ALDH7A1: variants seen among roughly 807,000 people sequenced by gnomAD.
ALDH7A1 encodes aldehyde dehydrogenase 7 family member A1.
A neutral mutation model predicts 79.9 loss-of-function variants in ALDH7A1; 63 were observed. That is an observed-to-expected ratio of 0.79 (90% confidence interval 0.64 to 0.97). ALDH7A1 has a LOEUF of 0.97. Among genes scored for constraint, ALDH7A1 ranks in the 50% least tolerant of loss-of-function variants. ALDH7A1 has a pLI of 0.00. For missense variants in ALDH7A1, 627 were observed against 665.2 expected (o/e 0.94, Z 0.63); for synonymous variants, 240 against 231.2 (o/e 1.04, Z -0.34).
chr5:126,568,237 T>A (rs761300704), intron 9 of ALDH7A1, 22 bp downstream of exon 9: 8 of 1,611,200 alleles, frequency 5.0e-6, no homozygotes, highest in Non-Finnish European at 6.8e-6. Flanking sequence ...ATTAAAATCC[T>A]CATTAGAAAG....
At chr5:126,567,473 C>T (rs1043951833) in intron 9 of ALDH7A1, among the ~76,000 whole-genome samples, 1 of 152,034 alleles carries the variant, frequency 6.6e-6, no homozygotes, top group Non-Finnish European at 1.5e-5. Flanking sequence ...GACTTCCTTT[C>T]ATAACTTTTT....
intron 13 of ALDH7A1, among the ~76,000 whole-genome samples, 169 bp downstream of exon 13, chr5:126,554,114 GACAA>G (rs1259465077): frequency 2.0e-5 from 3 of 152,054 alleles, no homozygotes; most frequent in South Asian, 2.1e-4. Context: ...CTCAAAAACA[GACAA>G]ACAAACAAAA....
intron 11 of ALDH7A1, among the ~76,000 whole-genome samples, chr5:126,557,242 A>G (rs1382713264): frequency 6.6e-6 from 1 of 152,204 alleles, no homozygotes; most frequent in Admixed American, 6.5e-5. Flanking sequence ...CAGCTGTGTA[A>G]AAATAAAGAT....
chr5:126,556,170 T>C (rs1315994526), intron 11 of ALDH7A1, among the ~76,000 whole-genome samples, 155 bp from the exon 12 acceptor site: 4 of 151,810 alleles, frequency 2.6e-5, no homozygotes, highest in Non-Finnish European at 4.4e-5. Flanking sequence ...ATTTATCATT[T>C]TAATATTAAC....
chr5:126,570,715 T>C, intron 8 of ALDH7A1, 67 bp downstream of exon 8: 1 of 1,423,366 alleles, frequency 7.0e-7, no homozygotes, highest in Non-Finnish European at 9.9e-7. Flanking sequence ...ATTATTCTAG[T>C]AACGATGATT....
chr5:126,595,015 G>A lies in ALDH7A1; in HGVS notation c.184C>T (p.Arg62Trp), dbSNP rs1751694421. ...CTTGAGCGCCCGCGTACCTCTCCCC[G>A]GCCTCCCCAGCTTCCATTATACACG... ...EGVYNGSWGG[R>W]GEVITTYCPA... Residue 62 changes from arginine (R) to tryptophan (W), a missense_variant, in exon 1 of 18, where the codon CGG (arginine) becomes TGG (tryptophan). Coordinates refer to ENST00000409134, the MANE Select transcript of ALDH7A1 (RefSeq NM_001182.5). 1.9e-6 allele frequency: 3 copies of A among 1,602,340 alleles called. No individual in the cohort carries two copies. The East Asian group carries it at 6.8e-5, about 36-fold the overall frequency.
rs765153843 is a variant in ALDH7A1, at chr5:126,561,089, T to C, written c.907A>G (p.Ile303Val). Residue 303 changes from isoleucine (I) to valine (V), a missense_variant, in exon 10 of 18, where the codon ATT becomes GTT. Ile to Val is a conservative substitution (Grantham distance 29). Transcript: ENST00000409134. Reference protein sequence around the residue: ...SLLELGGNNAIIAFEDADLSL... With the variant: ...SLLELGGNNAVIAFEDADLSL... Reference sequence around the variant, plus strand: ...AACAAAGAGGCAGCCTTACCAATAATGGCATTGTTTCCTCCAAGTTCCAAC... The same window carrying C: ...AACAAAGAGGCAGCCTTACCAATAACGGCATTGTTTCCTCCAAGTTCCAAC... The C allele has an allele frequency of 3.7e-6, 6 of 1,613,192 alleles. No individual in the cohort carries two copies. The African/African-American group carries it at 4.0e-5, about 11-fold the overall frequency.
At chr5:126,554,644 G>A (rs1316204184) in intron 12 of ALDH7A1, 4 of 506,776 alleles carry the variant, frequency 7.9e-6, no homozygotes, top group Non-Finnish European at 1.1e-5. Context: ...ACATGCAAAT[G>A]AGTGGGTATG....
At chr5:126,576,987 T>G (rs1020017718) in intron 6 of ALDH7A1, 92 bp downstream of exon 6, 7 of 1,537,584 alleles carry the variant, frequency 4.6e-6, no homozygotes, top group Non-Finnish European at 6.3e-6. Context: ...TGCACACTTA[T>G]AATCCCAGTT....
At chr5:126,555,267 G>C (rs538087057) in intron 12 of ALDH7A1, 2 of 153,776 alleles carry the variant, frequency 1.3e-5, no homozygotes, top group East Asian at 3.9e-4. Flanking sequence ...CAGACTGCTT[G>C]AGGTCAGGTG....
chr5:126,587,421 TG>T (rs1751388928), intron 3 of ALDH7A1: 1 of 152,042 alleles, frequency 6.6e-6, no homozygotes, highest in Non-Finnish European at 1.5e-5. Context: ...GTGGATGGCT[TG>T]CGGTCAGGAA....
chr5:126,551,384 G>A (rs1341183740), intron 14 of ALDH7A1, among the ~76,000 whole-genome samples: 6 of 151,250 alleles, frequency 4.0e-5, no homozygotes, highest in Admixed American at 6.6e-5. Context: ...GTGCGATCTC[G>A]GCTCACTGCA....
Position 126,550,267 on chromosome 5 carries a change from A to T in ALDH7A1, c.1344T>A (p.Asn448Lys). The change falls in exon 15 of 18, where the codon AAT becomes AAA. Residue 448 changes from asparagine to lysine, a missense_variant. Physicochemically the swap from Asn to Lys is moderately conservative, Grantham distance 94. Coordinates refer to ENST00000409134, the MANE Select transcript of ALDH7A1 (RefSeq NM_001182.5). ...FKNEEEVFAW[N>K]NEVKQGLSSS... ...TTGAAAGTCCCTGTTTTACTTCATT[A>T]TTCCATGCAAAGACCTCTTCTTCAT... 3.7e-6 allele frequency: 6 copies of T among 1,613,532 alleles called. No homozygotes were observed. The highest frequency in any genetic ancestry group is 4.2e-6 in the Non-Finnish European group (5 of 1,179,692).
intron 7 of ALDH7A1, among the ~76,000 whole-genome samples, chr5:126,573,202 C>T (rs556473130): frequency 1.2e-4 from 18 of 147,104 alleles, no homozygotes; most frequent in African/African-American, 4.3e-4. Context: ...ACAATTAAGT[C>T]AGTTCACTAC....
intron 5 of ALDH7A1, among the ~76,000 whole-genome samples, chr5:126,580,395 C>T (rs1472812033): frequency 6.6e-6 from 1 of 152,004 alleles, no homozygotes; most frequent in Non-Finnish European, 1.5e-5. Context: ...CCACGGTGGG[C>T]CTATTAACTT....
rs76737912 is a variant in ALDH7A1, at chr5:126,554,576, C to T, written c.1094-183G>A. The T allele has an allele frequency of 3.5e-3, 2,266 of 641,096 alleles. 41 individuals carry two copies. In the African/African-American group the frequency reaches 0.036, roughly 10 times the overall value. The allele number at this position is 641,096 out of a possible 1,614,324, so 39.7% of individuals were successfully genotyped here. A position where few individuals can be genotyped will look rare whatever the true frequency, so the allele number is the denominator to read the frequency against. On this transcript the variant is annotated intron_variant, in intron 12 of 17. Coordinates refer to ENST00000409134, the MANE Select transcript of ALDH7A1 (RefSeq NM_001182.5). Reference sequence around the variant, plus strand: ...AATATTTTATGCTTTGGAGGACATACGTGATCTCCATCCCAATACTCAACT... The same window carrying T: ...AATATTTTATGCTTTGGAGGACATATGTGATCTCCATCCCAATACTCAACT...
At chr5:126,552,892 T>C (rs1413434450) in intron 13 of ALDH7A1, among the ~76,000 whole-genome samples, 1 of 151,770 alleles carries the variant, frequency 6.6e-6, no homozygotes, top group Non-Finnish European at 1.5e-5. Context: ...TAGCACTACA[T>C]GTGCATGCCA....
At chr5:126,588,027 T>C (rs2112809545) in intron 3 of ALDH7A1, 1 of 152,104 alleles carries the variant, frequency 6.6e-6, no homozygotes, top group East Asian at 1.9e-4. Flanking sequence ...GCACCAGAAG[T>C]ATGAGAAAGG....
rs558587058 is a variant in ALDH7A1, at chr5:126,546,176, A to G, written c.1565+148T>C. The G allele has an allele frequency of 1.8e-5, 14 of 776,240 alleles. No homozygotes were observed. The East Asian group carries it at 3.7e-4, about 21-fold the overall frequency. 48.1% of individuals were successfully genotyped at this position (776,240 alleles called of 1,614,324 possible). ...CAAGAAGGCTAGAAAAATAGCACCA[A>G]ATAGATACTTAGAGGAGACAGCTGT... On this transcript the variant is annotated intron_variant, in intron 17 of 17. Coordinates refer to ENST00000409134, the MANE Select transcript of ALDH7A1 (RefSeq NM_001182.5).
Sources: allele counts gnomAD v4.1 joint callset (sites outside exome capture counted in the v4.1 genomes callset), GRCh38; gene constraint gnomAD v4.1.1; transcripts MANE v1.5; gene names NCBI Gene and HGNC (gene_info 2026-07-23, HGNC 2026-07-21).